Variants in BRI3 observed in about 807,000 individuals in gnomAD.
BRI3 encodes the protein membrane protein BRI3.
In BRI3, 6 loss-of-function variants were observed where a neutral mutation model predicts 12.8. The observed-to-expected ratio is 0.47, with a 90% CI of 0.26 to 0.93. The LOEUF (loss-of-function observed/expected upper bound fraction) is 0.93, where lower values mean the gene tolerates loss of function less well. Among genes scored for constraint, BRI3 ranks in the 40% least tolerant of loss-of-function variants. The probability of loss-of-function intolerance (pLI) is 0.15; values close to 1 mark genes in which losing one functional copy is unlikely to be tolerated. For synonymous variants in BRI3, 91 were observed against 76.1 expected, an observed-to-expected ratio of 1.20 and a Z score of -1.02; for missense variants, 134 against 171.1, an observed-to-expected ratio of 0.78 and a Z score of 1.21.
At chr7:98,300,153 A>C (rs950760677) in intron 1 of BRI3, among the ~76,000 whole-genome samples, 1 of 152,230 alleles carries the variant, frequency 6.6e-6, no homozygotes, top group East Asian at 1.9e-4. Context: ...TGGACTGGGC[A>C]GGGAACATTT....
downstream of BRI3, among the ~76,000 whole-genome samples, chr7:98,311,490 G>A (rs935621250): frequency 1.3e-4 from 19 of 151,786 alleles, no homozygotes; most frequent in African/African-American, 4.4e-4. Context: ...ACAGTGAGCC[G>A]AGATTGCGCC....
chr7:98,298,101 T>C (rs1425870118), intron 1 of BRI3, among the ~76,000 whole-genome samples: 4 of 152,132 alleles, frequency 2.6e-5, no homozygotes, highest in Non-Finnish European at 5.9e-5. Flanking sequence ...ACGTGACCTG[T>C]GGCAAACCCC....
At chr7:98,306,453 G>A (rs749260503), upstream of BRI3, 7 of 1,613,998 alleles carry the variant, frequency 4.3e-6, no homozygotes, top group South Asian at 1.1e-5. Context: ...GCGTGGGCAC[G>A]GTCACTGCTT....
At chr7:98,320,905 G>C in the BRI3 span, among the ~76,000 whole-genome samples, 2 of 152,350 alleles carry the variant, frequency 1.3e-5, no homozygotes, top group East Asian at 3.9e-4. Context: ...CACGCAGGCT[G>C]GAGTGCAGTG....
Position 98,282,512 on chromosome 7 carries a change from C to T in BRI3, c.245+59C>T, listed in dbSNP as rs1799560567. ...GAAGCTCTGAGGACCCCCGCCCTAA[C>T]CCCCAGGACCTCACAGCTCTGCTTG... is the stretch of plus-strand genomic sequence containing the variant. On this transcript the variant is annotated intron_variant, in intron 2 of 2. Coordinates refer to ENST00000297290, the MANE Select transcript of BRI3 (RefSeq NM_015379.5). 10 of 1,382,304 alleles carry T rather than the reference C, an allele frequency of 7.2e-6. No individual in the cohort carries two copies. In the South Asian group the frequency reaches 8.2e-5, roughly 11 times the overall value. The allele number at this position is 1,382,304 out of a possible 1,614,324, so 85.6% of individuals were successfully genotyped here.
At chr7:98,295,542 G>A (rs765254397), downstream of BRI3, among the ~76,000 whole-genome samples, 4 of 152,258 alleles carry the variant, frequency 2.6e-5, no homozygotes, top group African/African-American at 9.6e-5. Context: ...GGTGCCTGTC[G>A]CATGTGCTCA....
chr7:98,294,099 C>T (rs759700340), downstream of BRI3: 16 of 1,614,078 alleles, frequency 9.9e-6, no homozygotes, highest in East Asian at 2.2e-5. Flanking sequence ...TTTGCAGTCC[C>T]GTTGGCATCG....
chr7:98,293,949 G>A (rs1800075507), downstream of BRI3: 1 of 1,130,100 alleles, frequency 8.8e-7, no homozygotes, highest in South Asian at 1.4e-5. Flanking sequence ...ACTCCCCCAT[G>A]GCTCCACAGG....
downstream of BRI3, among the ~76,000 whole-genome samples, chr7:98,312,978 G>C (rs901846712): frequency 6.6e-6 from 1 of 152,194 alleles, no homozygotes; most frequent in Non-Finnish European, 1.5e-5. Context: ...GGTTGGGAAA[G>C]GGGAGGCAGG....
chr7:98,313,196 T>A, downstream of BRI3, among the ~76,000 whole-genome samples: 1 of 149,406 alleles, frequency 6.7e-6, no homozygotes, highest in East Asian at 2.0e-4. Context: ...GACCAGCTGC[T>A]TGGGCCTGCT....
In BRI3 at chr7:98,306,624, A is replaced by AAC. The variant is rs1441022130; in HGVS notation, n.104_105dup. 23 of 1,508,504 alleles carry AAC rather than the reference A, an allele frequency of 1.5e-5. No individual in the cohort carries two copies. In the Admixed American group the frequency reaches 4.4e-4, roughly 29 times the overall value. 93.4% of individuals were successfully genotyped at this position (1,508,504 alleles called of 1,614,324 possible). On this transcript the variant is annotated non_coding_transcript_exon_variant, in exon 1 of 2. Transcript: ENST00000485422. Reference sequence around the variant, plus strand: ...GGGCAGACAGGTCCACTGCTCCAGAAACGCCCATGTGTGGAGGAAATGAAA... The same window carrying AAC: ...GGGCAGACAGGTCCACTGCTCCAGAAACACGCCCATGTGTGGAGGAAATGAAA...
rs1799556849 is a variant in BRI3 at position 98,282,412 on chromosome 7, T to G, written c.204T>G (p.Pro68=). The part of the protein sequence containing the change: ...NIHSRTVTRY[P]ANSIVVVGGC... ...ACAGCCGGACCGTCACCCGCTATCC[T>G]GCCAACTCTATCGTGGTCGTAGGAG... The change falls in exon 2 of 3, where the codon CCT becomes CCG. Residue 68 remains proline (P), a synonymous_variant. Coordinates refer to ENST00000297290, the MANE Select transcript of BRI3 (RefSeq NM_015379.5). 1 of 1,614,084 alleles carries G rather than the reference T, an allele frequency of 6.2e-7. No homozygotes were observed.
downstream of BRI3, chr7:98,293,514 T>C: frequency 6.2e-7 from 1 of 1,612,326 alleles, no homozygotes; most frequent in South Asian, 1.1e-5. Flanking sequence ...AGTCCTTGGC[T>C]GTCCTCTCAT....
At chr7:98,314,901 A>G (rs771680574), downstream of BRI3, among the ~76,000 whole-genome samples, 20 of 152,346 alleles carry the variant, frequency 1.3e-4, no homozygotes, top group South Asian at 6.2e-4. Context: ...CTATTTTTCA[A>G]TGATGAAGCA....
At chr7:98,290,486 C>T (rs139611305) in intron 2 of BRI3, among the ~76,000 whole-genome samples, 3,029 of 151,560 alleles carry the variant, frequency 0.02, 53 homozygotes, top group South Asian at 0.036. Flanking sequence ...TGAGCCACCG[C>T]GCCCGGCCAT....
upstream of BRI3, chr7:98,304,473 A>G (rs373137831): frequency 5.8e-6 from 7 of 1,205,612 alleles, no homozygotes; most frequent in East Asian, 7.5e-5. Context: ...CAGTAATAGT[A>G]CATCACCAAT....
At chr7:98,289,540 G>GC (rs1337392527) in intron 2 of BRI3, among the ~76,000 whole-genome samples, 1 of 152,234 alleles carries the variant, frequency 6.6e-6, no homozygotes, top group Non-Finnish European at 1.5e-5. Flanking sequence ...GCAGGCGGCT[G>GC]CACTGCCTTG....
upstream of BRI3, among the ~76,000 whole-genome samples, chr7:98,303,541 G>A (rs1426791168): frequency 6.6e-6 from 1 of 152,132 alleles, no homozygotes; most frequent in Non-Finnish European, 1.5e-5. Flanking sequence ...TTTATTGTCT[G>A]CTTCCTATCA....
At position 98,301,493 on chromosome 7, in the gene BRI3, A is replaced by ATG. The variant is rs762603062; in HGVS notation, c.72-4989_72-4988insGT. On this transcript the variant is annotated intron_variant and NMD_transcript_variant, in intron 1 of 2. Transcript: ENST00000491463. The stretch of plus-strand genomic sequence containing the variant: ...TTTTTTGGTATATATATATATATAT[A>ATG]TTTTAAGTGGAGACGGGATTTCACC... Among the ~76,000 whole-genome samples the ATG allele has an allele frequency of 9.2e-4, 137 of 149,344 alleles. 2 individuals are homozygous for ATG. Among genetic ancestry groups the ATG allele is most frequent in the African/African-American group, 3.2e-3 (132 of 40,670 alleles).
Sources: gnomAD v4.1 joint callset for allele counts (sites outside exome capture counted in the v4.1 genomes callset) on GRCh38, gnomAD v4.1.1 for gene constraint, MANE v1.5 for transcripts, NCBI Gene and HGNC (gene_info 2026-07-23, HGNC 2026-07-21) for gene names.